FYB1: variants seen among roughly 807,000 people sequenced by gnomAD.
The protein encoded by FYB1 is FYN binding protein 1.
FYB1 carries 41 observed loss-of-function variants against 94.1 expected under a neutral mutation model. That is an observed-to-expected ratio of 0.44 (90% CI 0.34 to 0.57). The LOEUF is 0.57. FYB1 is among the 20% of genes least tolerant of loss of function. FYB1 has a pLI of 0.02. For missense variants in FYB1, 1,050 were observed against 976.8 expected, an observed-to-expected ratio of 1.07 and a Z score of -1.00; for synonymous variants, 367 against 353.2, an observed-to-expected ratio of 1.04 and a Z score of -0.44.
At chr5:39,107,551 A>T (rs1318292639) in intron 18 of FYB1, 86 bp from the exon 19 acceptor site, 1 of 854,962 alleles carries the variant, frequency 1.2e-6, no homozygotes, top group East Asian at 2.9e-5. Context: ...GGTGATTCAT[A>T]CTCTCCTGGT....
intron 12 of FYB1, among the ~76,000 whole-genome samples, chr5:39,125,620 G>A (rs1210462167): frequency 6.6e-6 from 1 of 152,098 alleles, no homozygotes; most frequent in Non-Finnish European, 1.5e-5. Context: ...CATTGGAATT[G>A]TGAGTTTTCA....
At chr5:39,128,420 G>C (rs1201306685) in intron 10 of FYB1, among the ~76,000 whole-genome samples, 1 of 152,004 alleles carries the variant, frequency 6.6e-6, no homozygotes, top group Non-Finnish European at 1.5e-5. Context: ...CTTGAAATTT[G>C]ACTTTTAGTA....
At chr5:39,185,733 A>T (rs1361855573) in intron 2 of FYB1, among the ~76,000 whole-genome samples, 1 of 151,902 alleles carries the variant, frequency 6.6e-6, no homozygotes, top group African/African-American at 2.4e-5. Context: ...AGATTTGAAG[A>T]GAGATCAGAT....
intron 1 of FYB1, among the ~76,000 whole-genome samples, chr5:39,273,569 C>G (rs947601364): frequency 6.6e-6 from 1 of 152,136 alleles, no homozygotes; most frequent in Non-Finnish European, 1.5e-5. Context: ...CCTATGTTTT[C>G]GCAGTATGGG....
intron 1 of FYB1, among the ~76,000 whole-genome samples, chr5:39,256,140 C>T (rs1751930899): frequency 6.6e-6 from 1 of 152,164 alleles, no homozygotes; most frequent in African/African-American, 2.4e-5. Context: ...ACAGATATTA[C>T]AAATGCAAAA....
chr5:39,134,958 T>A lies in FYB1; in HGVS notation c.1572A>T (p.Gly524=). ...HLAKACCDVK[G]GKNELSFKQG... ...GCTTGAAGCTCAGTTCATTCTTTCC[T>A]CCTTTGACATCACAACAAGCTTTTG... Residue 524 remains glycine (G), a synonymous_variant, in exon 8 of 19, where the codon GGA becomes GGT. Transcript: ENST00000512982. 6.2e-7 allele frequency: 1 copy of A among 1,613,930 alleles called. No individual in the cohort carries two copies. Among genetic ancestry groups the A allele is most frequent in the South Asian group, 1.1e-5 (1 of 91,080 alleles).
chr5:39,242,121 C>A (rs1751236413), intron 1 of FYB1, among the ~76,000 whole-genome samples: 1 of 151,846 alleles, frequency 6.6e-6, no homozygotes, highest in South Asian at 2.1e-4. Context: ...AAACATTTTT[C>A]AATCTATTTT....
chr5:39,219,538 C>T lies in FYB1; in HGVS notation c.-123G>A, dbSNP rs1200977257. On this transcript the variant is annotated 5_prime_UTR_variant, in exon 1 of 19. Transcript: ENST00000512982. Reference sequence around the variant, plus strand: ...TACTCACTTCTAGCTGTCGCATCTGCTCTGCATGTGGAACTCAAGAACTGC... The same window carrying T: ...TACTCACTTCTAGCTGTCGCATCTGTTCTGCATGTGGAACTCAAGAACTGC... The T allele has an allele frequency of 1.0e-5, 10 of 985,336 alleles. No individual in the cohort carries two copies. Among genetic ancestry groups the T allele is most frequent in the Non-Finnish European group, 1.2e-5 (10 of 829,958 alleles). 61.0% of individuals were successfully genotyped at this position (985,336 alleles called of 1,614,324 possible). A position where few individuals can be genotyped will look rare whatever the true frequency, so the allele number is the denominator to read the frequency against.
chr5:39,124,915 CCACACA>C (rs56887056), intron 12 of FYB1, among the ~76,000 whole-genome samples: 220 of 139,544 alleles, frequency 1.6e-3, no homozygotes, highest in Middle Eastern at 7.1e-3. Context: ...TAAATACACT[CCACACA>C]CACACACACA....
chr5:39,167,167 A>C (rs1406947245), intron 2 of FYB1, among the ~76,000 whole-genome samples: 1 of 152,114 alleles, frequency 6.6e-6, no homozygotes, highest in Admixed American at 6.6e-5. Flanking sequence ...AGCCACAAAG[A>C]AGTAGTGGGG....
At chr5:39,120,795 C>A (rs374525) in intron 14 of FYB1, among the ~76,000 whole-genome samples, 102,116 of 151,904 alleles carry the variant, frequency 0.67, 34,565 homozygotes, top group South Asian at 0.73. Context: ...TCTTAGCTTT[C>A]GTTCATTCAT....
intron 16 of FYB1, among the ~76,000 whole-genome samples, chr5:39,118,524 C>T (rs1243072101): frequency 6.6e-6 from 1 of 152,078 alleles, no homozygotes; most frequent in Non-Finnish European, 1.5e-5. Flanking sequence ...ATTTCTAGAA[C>T]TCATGTTTCA....
intron 1 of FYB1, among the ~76,000 whole-genome samples, chr5:39,270,173 G>A (rs1053955519): frequency 6.6e-6 from 1 of 152,062 alleles, no homozygotes. Context: ...TATCAAAATG[G>A]CAATCACCAT....
intron 2 of FYB1, among the ~76,000 whole-genome samples, chr5:39,168,254 T>C (rs551296376): frequency 6.6e-6 from 1 of 152,242 alleles, no homozygotes; most frequent in Non-Finnish European, 1.5e-5. Context: ...TATCATGTCA[T>C]GTATTATAAC....
Position 39,134,273 on chromosome 5 carries a change from A to G in FYB1, c.1752T>C (p.Pro584=). ...LKLKKDSLGA[P]SRPIEDDQEV... is the part of the protein sequence containing the mutation. ...CTTGGTCATCTTCAATAGGTCTTGA[A>G]GGGGCACCAAGAGAGTCTTTTTTCA... The change falls in exon 9 of 19, where the codon CCT becomes CCC. Residue 584 remains proline, a synonymous_variant. Coordinates refer to ENST00000512982, the MANE Select transcript of FYB1 (RefSeq NM_001465.6). The G allele has an allele frequency of 6.2e-7, 1 of 1,610,968 alleles. No homozygotes were observed. Among genetic ancestry groups the G allele is most frequent in the Non-Finnish European group, 8.5e-7 (1 of 1,177,326 alleles).
intron 7 of FYB1, 112 bp from the exon 8 acceptor site, chr5:39,135,126 A>C: frequency 1.7e-6 from 2 of 1,155,450 alleles, no homozygotes; most frequent in Non-Finnish European, 2.4e-6. Context: ...CCTATAACCA[A>C]CATTTACAGG....
intron 2 of FYB1, among the ~76,000 whole-genome samples, chr5:39,188,593 G>A (rs918861349): frequency 7.3e-6 from 1 of 136,916 alleles, no homozygotes; most frequent in Middle Eastern, 5.2e-3. Flanking sequence ...TGCCTAGGCT[G>A]GAGTGCAATT....
rs141505636 is a variant in FYB1, at chr5:39,136,101, G to A, written c.1516-1087C>T. Among the ~76,000 whole-genome samples, 1,718 of 151,832 alleles carry A rather than the reference G, an allele frequency of 0.011. 78 individuals carry two copies. The East Asian group carries it at 0.15, about 13-fold the overall frequency. ...TTATTTTTTTTTGAGATGGAGTCTC[G>A]CTCTGTTGCCCAGGCTAGAGTGCCG... is the stretch of plus-strand genomic sequence containing the variant. On this transcript the variant is annotated intron_variant, in intron 7 of 18. Coordinates refer to ENST00000512982, the MANE Select transcript of FYB1 (RefSeq NM_001465.6).
chr5:39,246,843 C>T (rs185674820), intron 1 of FYB1, among the ~76,000 whole-genome samples: 1 of 152,100 alleles, frequency 6.6e-6, no homozygotes, highest in Admixed American at 6.6e-5. Context: ...GCATCATCTA[C>T]TCAAGGCAGA....
Sources: allele counts gnomAD v4.1 joint callset (sites outside exome capture counted in the v4.1 genomes callset), GRCh38; gene constraint gnomAD v4.1.1; transcripts MANE v1.5; gene names NCBI Gene and HGNC (gene_info 2026-07-23, HGNC 2026-07-21).